TPO: variants seen among roughly 807,000 people sequenced by gnomAD.
TPO encodes thyroid peroxidase, also known as thyroid microsomal antigen.
In TPO, 78 loss-of-function variants were observed where a neutral mutation model predicts 96.9. The ratio of observed to expected loss-of-function variants is 0.81; its 90% CI spans 0.67 to 0.97. The LOEUF is 0.97. TPO is among the 50% of genes least tolerant of loss of function. TPO has a pLI of 0.00. For synonymous variants in TPO, 547 were observed against 538.0 expected (o/e 1.02, Z -0.23); for missense variants, 1,252 against 1,274.8 (o/e 0.98, Z 0.27).
chr2:1,377,685 G>A (rs1157144757), intron 1 of TPO, among the ~76,000 whole-genome samples: 2 of 152,210 alleles, frequency 1.3e-5, no homozygotes, highest in Non-Finnish European at 2.9e-5. Flanking sequence ...CTGGCCCTGG[G>A]TGAGTCACGC....
intron 10 of TPO, among the ~76,000 whole-genome samples, chr2:1,490,557 G>GTGTT (rs373997692): frequency 0.014 from 2,066 of 143,494 alleles, 90 homozygotes; most frequent in South Asian, 0.058. Flanking sequence ...CCCACTGCAT[G>GTGTT]TGTTAGCACT....
At chr2:1,539,988 G>A (rs1256274889) in intron 15 of TPO, among the ~76,000 whole-genome samples, 2 of 152,186 alleles carry the variant, frequency 1.3e-5, no homozygotes, top group East Asian at 3.9e-4. Flanking sequence ...AAATCCCACA[G>A]TATTTGTGAT....
At chr2:1,376,688 C>T (rs965797845) in intron 1 of TPO, among the ~76,000 whole-genome samples, 2 of 152,030 alleles carry the variant, frequency 1.3e-5, no homozygotes, top group South Asian at 2.1e-4. Context: ...GACCCATGAC[C>T]GAGCACCCTT....
intron 8 of TPO, among the ~76,000 whole-genome samples, chr2:1,482,730 G>T (rs193039536): frequency 1.3e-5 from 2 of 152,124 alleles, no homozygotes. Flanking sequence ...GCGGAAGTGC[G>T]GTGGTACAAT....
chr2:1,436,873 C>T (rs1053743334), intron 5 of TPO, among the ~76,000 whole-genome samples: 2 of 152,194 alleles, frequency 1.3e-5, no homozygotes, highest in African/African-American at 4.8e-5. Context: ...CTCTTGCTTT[C>T]CCCATTCACG....
rs17091583 is a variant in TPO, at chr2:1,397,953, C to A, written n.180+23551C>A. Among the ~76,000 whole-genome samples the A allele has an allele frequency of 7.0e-3, 1,060 of 152,290 alleles. 11 individuals are homozygous for A. Among genetic ancestry groups the A allele is most frequent in the African/African-American group, 0.023 (970 of 41,562 alleles). On this transcript the variant is annotated intron_variant and non_coding_transcript_variant, in intron 1 of 5. Coordinates refer to the TPO transcript ENST00000497517. ...AAACTTCCAGAGTTCCAAATATGCA[C>A]CTTGTGCAGAAAAAAGTACTTCCCA...
intron 15 of TPO, among the ~76,000 whole-genome samples, chr2:1,532,431 G>C (rs1264761834): frequency 1.0e-5 from 1 of 96,334 alleles, no homozygotes; most frequent in African/African-American, 4.5e-5. Flanking sequence ...CCCCCACTGT[G>C]AGTAACCTCC....
intron 1 of TPO, among the ~76,000 whole-genome samples, chr2:1,398,665 A>G (rs558424225): frequency 6.6e-6 from 1 of 152,178 alleles, no homozygotes; most frequent in Non-Finnish European, 1.5e-5. Flanking sequence ...CACCTGGTTC[A>G]TGTGCAGGCA....
At position 1,477,123 on chromosome 2, in the gene TPO, G is replaced by T; in HGVS notation, c.857G>T (p.Cys286Phe). The T allele has an allele frequency of 6.2e-7, 1 of 1,609,210 alleles. No individual in the cohort carries two copies. The change falls in exon 8 of 17, where the codon TGT (cysteine) becomes TTT (phenylalanine). Residue 286 changes from cysteine to phenylalanine, a missense_variant. Coordinates refer to ENST00000329066, the MANE Select transcript of TPO (RefSeq NM_001206744.2). ...GCCCGGCCGGCCGCGGGCACCGCCTGTCTGCCCTTCTACCGCTCTTCGGCC... is the reference window on the plus strand; with the variant it reads ...GCCCGGCCGGCCGCGGGCACCGCCTTTCTGCCCTTCTACCGCTCTTCGGCC... ...EEARPAAGTA[C>F]LPFYRSSAAC... is the part of the protein sequence containing the mutation.
intron 5 of TPO, among the ~76,000 whole-genome samples, chr2:1,440,874 T>C (rs1666114188): frequency 7.2e-6 from 1 of 139,286 alleles, no homozygotes; most frequent in Non-Finnish European, 1.5e-5. Flanking sequence ...CTTGTTTCCA[T>C]GGTGTAGTCA....
Position 1,540,576 on chromosome 2 carries a change from G to T in TPO, c.2619-18G>T. On this transcript the variant is annotated intron_variant, in intron 15 of 16. Coordinates refer to ENST00000329066, the MANE Select transcript of TPO (RefSeq NM_001206744.2). ...GTGCCGGACCCTCTCCCGATAACTG[G>T]ACACGTGTCTCCCACAGGACACGCA... The T allele has an allele frequency of 6.2e-7, 1 of 1,612,498 alleles. No individual in the cohort carries two copies. The highest frequency in any genetic ancestry group is 8.5e-7 in the Non-Finnish European group (1 of 1,180,004).
chr2:1,398,886 C>T (rs1046545809), intron 1 of TPO, among the ~76,000 whole-genome samples: 3 of 152,172 alleles, frequency 2.0e-5, no homozygotes, highest in Admixed American at 6.5e-5. Context: ...GGGTGGGGGG[C>T]GCTGGCACCA....
rs746604761 is a variant in TPO at position 1,477,374 on chromosome 2, C to A, written c.1108C>A (p.Arg370Ser). 2.0e-6 allele frequency: 3 copies of A among 1,532,774 alleles called. No individual in the cohort carries two copies. Among genetic ancestry groups the A allele is most frequent in the South Asian group, 1.2e-5 (1 of 83,246 alleles). 94.9% of individuals were successfully genotyped at this position (1,532,774 alleles called of 1,614,324 possible). ...CGCCTACCTGCCCTTCGTGCCGCCA[C>A]GCGCGCCTGCGGCCTGTGCGCCCGA... ...GRAYLPFVPP[R>S]APAACAPEPG... The change falls in exon 8 of 17, where the codon CGC becomes AGC. Residue 370 changes from arginine to serine, a missense_variant. Arg to Ser is a moderately radical substitution (Grantham distance 110). Transcript: ENST00000329066.
intron 7 of TPO, among the ~76,000 whole-genome samples, chr2:1,471,316 C>T (rs73911839): frequency 0.054 from 8,257 of 152,138 alleles, 292 homozygotes; most frequent in East Asian, 0.16. Flanking sequence ...TTTTCTATTA[C>T]CTTCCTATTA....
At chr2:1,414,879 C>T (rs1662730837) in intron 2 of TPO, among the ~76,000 whole-genome samples, 1 of 152,240 alleles carries the variant, frequency 6.6e-6, no homozygotes, top group Non-Finnish European at 1.5e-5. Flanking sequence ...GTTAAGAAAG[C>T]TACTGAGATG....
intron 8 of TPO, among the ~76,000 whole-genome samples, chr2:1,480,554 C>T (rs999622333): frequency 1.5e-5 from 1 of 66,070 alleles, no homozygotes; most frequent in Non-Finnish European, 3.0e-5. Flanking sequence ...ACCCCTCAAA[C>T]CCCCTACACA....
At chr2:1,536,591 A>C (rs1240912582) in intron 15 of TPO, among the ~76,000 whole-genome samples, 5 of 18,718 alleles carry the variant, frequency 2.7e-4, no homozygotes, top group East Asian at 1.4e-3. Context: ...AAATCGCCCC[A>C]CTGTGTGCAT....
chr2:1,523,685 G>A (rs1467007776), intron 15 of TPO, among the ~76,000 whole-genome samples: 1 of 109,412 alleles, frequency 9.1e-6, no homozygotes, highest in Non-Finnish European at 1.8e-5. Flanking sequence ...CCCACTGTGT[G>A]CAGCCTCCCC....
intron 1 of TPO, among the ~76,000 whole-genome samples, chr2:1,400,386 G>C (rs941452367): frequency 6.6e-6 from 1 of 151,948 alleles, no homozygotes; most frequent in African/African-American, 2.4e-5. Flanking sequence ...CCAGCTGCTC[G>C]GGAGGCTGAG....
Sources: gnomAD v4.1 joint callset for allele counts (sites outside exome capture counted in the v4.1 genomes callset) on GRCh38, gnomAD v4.1.1 for gene constraint, MANE v1.5 for transcripts, NCBI Gene and HGNC (gene_info 2026-07-23, HGNC 2026-07-21) for gene names.